TNRC6B: variants seen among roughly 807,000 people sequenced by gnomAD.
TNRC6B encodes the protein trinucleotide repeat containing adaptor 6B, also known as trinucleotide repeat-containing gene 6B protein.
Under a neutral mutation model 203.6 loss-of-function variants are expected in TNRC6B, and 52 were observed. The observed-to-expected ratio is 0.26, with a 90% CI of 0.20 to 0.32. The LOEUF (loss-of-function observed/expected upper bound fraction) is 0.32. TNRC6B is among the 10% of genes least tolerant of loss of function. The probability of loss-of-function intolerance (pLI) is 1.00; values close to 1 mark genes in which losing one functional copy is unlikely to be tolerated. For missense variants in TNRC6B, 1,923 were observed against 2,286.2 expected (o/e 0.84, Z 3.24); for synonymous variants, 838 against 845.7 (o/e 0.99, Z 0.16).
At chr22:40,096,539 C>T (rs2068187238) in intron 1 of TNRC6B, among the ~76,000 whole-genome samples, 1 of 152,140 alleles carries the variant, frequency 6.6e-6, no homozygotes. Context: ...AAGATGTTGT[C>T]CAGCTACTCA....
chr22:40,202,050 T>G (rs145391695), intron 1 of TNRC6B, among the ~76,000 whole-genome samples: 1 of 152,164 alleles, frequency 6.6e-6, no homozygotes, highest in Non-Finnish European at 1.5e-5. Context: ...TAGGAAATAC[T>G]TTTGTCTCAA....
At chr22:40,312,208 T>C (rs1887160157) in intron 17 of TNRC6B, among the ~76,000 whole-genome samples, 1 of 152,252 alleles carries the variant, frequency 6.6e-6, no homozygotes, top group Non-Finnish European at 1.5e-5. Flanking sequence ...TTACTCCTGC[T>C]TTCCCTGCCT....
chr22:40,241,340 A>T (rs1285792710), intron 1 of TNRC6B, among the ~76,000 whole-genome samples: 2 of 152,202 alleles, frequency 1.3e-5, no homozygotes, highest in Non-Finnish European at 2.9e-5. Context: ...TAACACACCG[A>T]TTCATGACCA....
At chr22:40,273,276 T>TA (rs1228480593) in intron 6 of TNRC6B, 149 bp from the exon 7 acceptor site, 11 of 733,524 alleles carry the variant, frequency 1.5e-5, no homozygotes, top group Admixed American at 7.0e-5. Context: ...TCCTGCTCTC[T>TA]AAAAAATGAG....
intron 1 of TNRC6B, among the ~76,000 whole-genome samples, chr22:40,058,337 G>A (rs1043445508): frequency 2.0e-5 from 3 of 149,984 alleles, no homozygotes; most frequent in African/African-American, 7.6e-5. Flanking sequence ...AAGCCAGTAA[G>A]GGATGGTTTG....
At chr22:40,161,469 T>C (rs990666095) in intron 4 of TNRC6B, among the ~76,000 whole-genome samples, 1 of 152,224 alleles carries the variant, frequency 6.6e-6, no homozygotes. Flanking sequence ...TGTGCCACTT[T>C]CTTTATCTCC....
chr22:40,220,479 GA>G (rs1250311225), intron 1 of TNRC6B, among the ~76,000 whole-genome samples: 2 of 152,192 alleles, frequency 1.3e-5, no homozygotes, highest in African/African-American at 2.4e-5. Context: ...TGGTGGGGAG[GA>G]GGGGGGGAGG....
intron 2 of TNRC6B, 94 bp downstream of exon 2, chr22:40,246,196 AT>A (rs2070104804): frequency 4.1e-5 from 42 of 1,024,100 alleles, no homozygotes; most frequent in Non-Finnish European, 5.0e-5. Flanking sequence ...GATATCTTTT[AT>A]TTTTTTTCCT....
rs144178564 is a variant in TNRC6B, at chr22:40,239,194, C to A, written c.6-6821C>A. On this transcript the variant is annotated intron_variant, in intron 1 of 22. Transcript: ENST00000454349. Reference sequence around the variant, plus strand: ...CTGCAGCGTGGGTGACAGAGCAAGACTCCATCTCAAAAAGAAAAGAAAAGT... The same window carrying A: ...CTGCAGCGTGGGTGACAGAGCAAGAATCCATCTCAAAAAGAAAAGAAAAGT... 2.6e-3 allele frequency among the ~76,000 whole-genome samples: 403 copies of A among 152,242 alleles called. 4 individuals carry two copies. Among genetic ancestry groups the A allele is most frequent in the Admixed American group, 7.3e-3 (112 of 15,282 alleles).
At chr22:40,086,802 T>A (rs994933121) in intron 1 of TNRC6B, among the ~76,000 whole-genome samples, 5 of 152,326 alleles carry the variant, frequency 3.3e-5, no homozygotes, top group African/African-American at 1.2e-4. Context: ...AAGCCTTAAC[T>A]CCCCTTTAAA....
intron 1 of TNRC6B, among the ~76,000 whole-genome samples, chr22:40,096,958 A>C (rs2068190584): frequency 6.6e-6 from 1 of 152,232 alleles, no homozygotes; most frequent in Non-Finnish European, 1.5e-5. Context: ...AGGTTATCAG[A>C]GTTGACCATT....
chr22:40,270,010 A>G, intron 5 of TNRC6B, 112 bp from the exon 6 acceptor site: 2 of 1,065,524 alleles, frequency 1.9e-6, no homozygotes, highest in South Asian at 3.5e-5. Context: ...GAATCTATTT[A>G]CATTTCTACC....
At chr22:40,064,026 T>G (rs8136668) in intron 1 of TNRC6B, among the ~76,000 whole-genome samples, 6,703 of 152,258 alleles carry the variant, frequency 0.044, 446 homozygotes, top group African/African-American at 0.14. Context: ...CATATAATTG[T>G]TTTCACAATT....
intron 19 of TNRC6B, among the ~76,000 whole-genome samples, chr22:40,313,225 A>G (rs896784729): frequency 6.6e-6 from 1 of 152,186 alleles, no homozygotes; most frequent in African/African-American, 2.4e-5. Context: ...GTAGTGACAT[A>G]ACTGCAGGGA....
chr22:40,265,206 G>A lies in TNRC6B; in HGVS notation c.976G>A (p.Glu326Lys), dbSNP rs2070458262. 2 of 1,613,912 alleles carry A rather than the reference G, an allele frequency of 1.2e-6. No individual in the cohort carries two copies. The highest frequency in any genetic ancestry group is 1.7e-6 in the Non-Finnish European group (2 of 1,179,910). Residue 326 changes from glutamate to lysine, a missense_variant, in exon 5 of 23, where the codon GAA becomes AAA. Glu to Lys is a moderately conservative substitution (Grantham distance 56). Coordinates refer to ENST00000454349, the MANE Select transcript of TNRC6B (RefSeq NM_001162501.2). ...AGGAACTTCTAGGAAAGGGGCATTGGAAACAGATAATAGTAATTCCAGTGC... is the reference window on the plus strand; with the variant it reads ...AGGAACTTCTAGGAAAGGGGCATTGAAAACAGATAATAGTAATTCCAGTGC... The part of the protein sequence containing the change: ...QEGTSRKGAL[E>K]TDNSNSSAQV...
intron 1 of TNRC6B, among the ~76,000 whole-genome samples, chr22:40,181,556 C>T (rs899773854): frequency 1.8e-4 from 28 of 152,336 alleles, no homozygotes; most frequent in African/African-American, 6.5e-4. Flanking sequence ...ATCGTCACAA[C>T]TTGGCAGTTT....
chr22:40,266,651 T>C lies in TNRC6B; in HGVS notation c.2421T>C (p.Asn807=), dbSNP rs1569045703. 6.2e-7 allele frequency: 1 copy of C among 1,612,880 alleles called. No homozygotes were observed. Among genetic ancestry groups the C allele is most frequent in the South Asian group, 1.1e-5 (1 of 90,930 alleles). The change falls in exon 5 of 23, where the codon AAT becomes AAC. Residue 807 remains asparagine (N), a synonymous_variant. Transcript: ENST00000454349. Reference sequence around the variant, plus strand: ...ATTGCAAAAGATCCCCAGCATGGAATGAGACGGGCCGACAGCCCAATTCCT... The same window carrying C: ...ATTGCAAAAGATCCCCAGCATGGAACGAGACGGGCCGACAGCCCAATTCCT... ...WEDCKRSPAW[N]ETGRQPNSWN...
chr22:40,149,436 A>C (rs1437672646), intron 3 of TNRC6B, among the ~76,000 whole-genome samples: 2 of 152,142 alleles, frequency 1.3e-5, no homozygotes, highest in African/African-American at 4.8e-5. Context: ...CGGGAGGCCA[A>C]GGCGGGCAAA....
intron 9 of TNRC6B, 125 bp downstream of exon 9, chr22:40,278,169 G>T: frequency 4.0e-6 from 3 of 748,978 alleles, no homozygotes; most frequent in African/African-American, 1.7e-5. Context: ...CTTACTCTTT[G>T]TAAGGTACTG....
Sources: gnomAD v4.1 joint callset for allele counts (sites outside exome capture counted in the v4.1 genomes callset) on GRCh38, gnomAD v4.1.1 for gene constraint, MANE v1.5 for transcripts, NCBI Gene and HGNC (gene_info 2026-07-23, HGNC 2026-07-21) for gene names.